Variants in SNX13 observed in about 807,000 individuals in gnomAD.
SNX13 encodes sorting nexin-13.
A neutral mutation model predicts 133.6 loss-of-function variants in SNX13; 45 were observed. That is an observed-to-expected ratio of 0.34 (90% confidence interval 0.27 to 0.43). The LOEUF (loss-of-function observed/expected upper bound fraction) is 0.43, where lower values mean the gene tolerates loss of function less well. SNX13 is among the 20% of genes least tolerant of loss of function. The pLI is 1.00. For missense variants in SNX13, 1,032 were observed against 1,145.1 expected, an observed-to-expected ratio of 0.90 and a Z score of 1.43; for synonymous variants, 414 against 373.9, an observed-to-expected ratio of 1.11 and a Z score of -1.24.
chr7:17,862,532 AAAG>A (rs1430151610), intron 9 of SNX13, among the ~76,000 whole-genome samples: 2 of 152,180 alleles, frequency 1.3e-5, no homozygotes, highest in Non-Finnish European at 1.5e-5. Context: ...ATATTTTTCT[AAAG>A]AATGGGATAT....
chr7:17,845,769 GA>G (rs1363328654), intron 11 of SNX13, 75 bp from the exon 12 acceptor site: 10 of 1,043,296 alleles, frequency 9.6e-6, no homozygotes, highest in Non-Finnish European at 1.4e-5. Flanking sequence ...TAAATATAAG[GA>G]AAAAAATCAA....
chr7:17,849,020 G>A (rs1222445152), intron 11 of SNX13, among the ~76,000 whole-genome samples: 1 of 152,160 alleles, frequency 6.6e-6, no homozygotes, highest in Non-Finnish European at 1.5e-5. Flanking sequence ...CACTCTTTTA[G>A]ATAACATCAT....
At chr7:17,861,851 T>A (rs1346490179) in intron 9 of SNX13, among the ~76,000 whole-genome samples, 1 of 152,210 alleles carries the variant, frequency 6.6e-6, no homozygotes, top group Non-Finnish European at 1.5e-5. Flanking sequence ...CACTTGGGTC[T>A]CTTCCAGTGT....
chr7:17,850,000 G>A (rs1283672592), intron 11 of SNX13, among the ~76,000 whole-genome samples: 2 of 152,060 alleles, frequency 1.3e-5, no homozygotes, highest in African/African-American at 2.4e-5. Flanking sequence ...TAAACTCCAC[G>A]AAAAGAGTCT....
chr7:17,871,183 T>A (rs1400216850), intron 8 of SNX13, among the ~76,000 whole-genome samples: 1 of 152,016 alleles, frequency 6.6e-6, no homozygotes, highest in Non-Finnish European at 1.5e-5. Flanking sequence ...TTTTTTGTAT[T>A]TTTAGTAGAG....
At chr7:17,891,317 A>G (rs917314938) in intron 4 of SNX13, among the ~76,000 whole-genome samples, 1 of 152,074 alleles carries the variant, frequency 6.6e-6, no homozygotes, top group African/African-American at 2.4e-5. Context: ...TGTCAATAAC[A>G]ACTTTTTTTC....
chr7:17,841,240 C>T (rs1252654043), intron 12 of SNX13, among the ~76,000 whole-genome samples: 1 of 152,036 alleles, frequency 6.6e-6, no homozygotes, highest in Non-Finnish European at 1.5e-5. Flanking sequence ...AGAAGACTGG[C>T]ACCCTTTCTC....
intron 16 of SNX13, among the ~76,000 whole-genome samples, chr7:17,827,827 T>C (rs995915834): frequency 2.6e-5 from 4 of 151,822 alleles, no homozygotes; most frequent in African/African-American, 9.7e-5. Flanking sequence ...TTGATAGAAA[T>C]AGCACAACCT....
intron 5 of SNX13, chr7:17,881,783 T>G (rs1355052282): frequency 1.3e-5 from 2 of 152,184 alleles, no homozygotes; most frequent in African/African-American, 2.4e-5. Flanking sequence ...TTCAGAGTCC[T>G]TGAAGAACTA....
At chr7:17,909,825 C>G (rs765034292) in intron 1 of SNX13, among the ~76,000 whole-genome samples, 15 of 152,202 alleles carry the variant, frequency 9.9e-5, no homozygotes, top group Non-Finnish European at 1.6e-4. Context: ...CACACACTTA[C>G]CTATGTAACA....
chr7:17,827,011 A>G (rs1180537200), intron 16 of SNX13, among the ~76,000 whole-genome samples: 3 of 152,110 alleles, frequency 2.0e-5, no homozygotes, highest in African/African-American at 4.8e-5. Context: ...AACTATCTGT[A>G]TAAGAAATGT....
intron 13 of SNX13, among the ~76,000 whole-genome samples, chr7:17,838,844 T>C (rs982644538): frequency 1.3e-5 from 2 of 151,786 alleles, no homozygotes; most frequent in Non-Finnish European, 2.9e-5. Context: ...ACGGCTTTTA[T>C]GGCCTTGCAA....
chr7:17,798,876 G>C (rs1452571366), intron 23 of SNX13, 118 bp from the exon 24 acceptor site: 2 of 1,226,840 alleles, frequency 1.6e-6, no homozygotes, highest in African/African-American at 3.1e-5. Context: ...GAGAGCAACA[G>C]ACTGCTTTAA....
At chr7:17,878,694 G>A (rs2128360426) in intron 5 of SNX13, among the ~76,000 whole-genome samples, 1 of 152,180 alleles carries the variant, frequency 6.6e-6, no homozygotes, top group Non-Finnish European at 1.5e-5. Flanking sequence ...CTTTAAAACT[G>A]CAATAACACC....
At chr7:17,809,744 A>G (rs1286621376) in intron 20 of SNX13, among the ~76,000 whole-genome samples, 2 of 152,238 alleles carry the variant, frequency 1.3e-5, no homozygotes, top group East Asian at 3.8e-4. Context: ...AGCAAATGCA[A>G]AAGAATGGAA....
chr7:17,870,135 C>A (rs1458734450), intron 8 of SNX13, among the ~76,000 whole-genome samples: 1 of 152,052 alleles, frequency 6.6e-6, no homozygotes, highest in Non-Finnish European at 1.5e-5. Flanking sequence ...TACTTTAAGA[C>A]CTCCAATTTT....
intron 1 of SNX13, 36 bp from the exon 2 acceptor site, chr7:17,897,482 T>C: frequency 8.3e-7 from 1 of 1,198,648 alleles, no homozygotes. Flanking sequence ...AATTAGTAAA[T>C]AATTCTCCAC....
chr7:17,840,573 G>T (rs937800575), intron 12 of SNX13, among the ~76,000 whole-genome samples: 4 of 151,910 alleles, frequency 2.6e-5, no homozygotes, highest in Non-Finnish European at 5.9e-5. Flanking sequence ...CTTTCTCAAT[G>T]AATTTTAATT....
intron 12 of SNX13, among the ~76,000 whole-genome samples, chr7:17,841,859 CA>C (rs899456095): frequency 1.6e-4 from 24 of 151,650 alleles, no homozygotes; most frequent in Non-Finnish European, 2.9e-4. Flanking sequence ...AGTATATAAC[CA>C]AAATAAAAAA....
Sources: allele counts gnomAD v4.1 joint callset (sites outside exome capture counted in the v4.1 genomes callset), GRCh38; gene constraint gnomAD v4.1.1; transcripts MANE v1.5; gene names NCBI Gene and HGNC (gene_info 2026-07-23, HGNC 2026-07-21).